MATN2: variants seen among roughly 807,000 people sequenced by gnomAD.
MATN2 encodes the protein matrilin-2.
Under a neutral mutation model 103.2 loss-of-function variants are expected in MATN2, and 69 were observed. The ratio of observed to expected loss-of-function variants is 0.67; its 90% CI spans 0.55 to 0.82. MATN2 has a LOEUF of 0.82. MATN2 is among the 40% of genes least tolerant of loss of function. The probability of loss-of-function intolerance (pLI) is 0.00; values close to 1 mark genes in which losing one functional copy is unlikely to be tolerated. For missense variants in MATN2, 1,023 were observed against 1,211.5 expected, an observed-to-expected ratio of 0.84 and a Z score of 2.31; for synonymous variants, 429 against 450.2, an observed-to-expected ratio of 0.95 and a Z score of 0.60.
At chr8:97,917,987 CGTTG>C (rs1563666308) in intron 2 of MATN2, among the ~76,000 whole-genome samples, 2 of 151,886 alleles carry the variant, frequency 1.3e-5, no homozygotes, top group East Asian at 3.9e-4. Context: ...CTGGAGGCTA[CGTTG>C]GGAGGATCAC....
At chr8:97,951,800 T>C (rs1810963049) in intron 4 of MATN2, among the ~76,000 whole-genome samples, 2 of 152,198 alleles carry the variant, frequency 1.3e-5, no homozygotes, top group African/African-American at 4.8e-5. Flanking sequence ...TTAGAACTTG[T>C]TTCAGAGATT....
intron 3 of MATN2, among the ~76,000 whole-genome samples, chr8:97,934,396 G>A (rs1810305713): frequency 6.6e-6 from 1 of 152,222 alleles, no homozygotes; most frequent in African/African-American, 2.4e-5. Flanking sequence ...ATACACTGAG[G>A]ACCGATGGGC....
chr8:98,034,916 T>TAA (rs397970246), intron 18 of MATN2, among the ~76,000 whole-genome samples: 104 of 130,832 alleles, frequency 7.9e-4, no homozygotes, highest in South Asian at 2.0e-3. Flanking sequence ...GAATCACAAT[T>TAA]AAAAAAAAAA....
chr8:97,907,659 C>T (rs1398459605), intron 2 of MATN2, among the ~76,000 whole-genome samples: 1 of 152,082 alleles, frequency 6.6e-6, no homozygotes, highest in Non-Finnish European at 1.5e-5. Flanking sequence ...TCTAGCTCTC[C>T]ACTGTGCAAC....
Position 97,869,230 on chromosome 8 carries a change from C to A in MATN2, c.-84C>A, listed in dbSNP as rs925853108. On this transcript the variant is annotated 5_prime_UTR_variant, in exon 1 of 19. Coordinates refer to ENST00000254898, the MANE Select transcript of MATN2 (RefSeq NM_002380.5). ...GCCCTCGGCGAGGCGAAGAGGCCGA[C>A]GAGGAAGACCCGGGTGGCTGCGCCC... 5.9e-5 allele frequency: 9 copies of A among 152,248 alleles called. No individual in the cohort carries two copies. Among genetic ancestry groups the A allele is most frequent in the African/African-American group, 2.2e-4 (9 of 41,466 alleles). 9.4% of individuals were successfully genotyped at this position (152,248 alleles called of 1,614,324 possible).
rs201879642 is a variant in MATN2, at chr8:97,888,177, G to A, written c.77G>A (p.Arg26Gln). Residue 26 changes from arginine (R) to glutamine (Q), a missense_variant, in exon 2 of 19, where the codon CGG (arginine) becomes CAG (glutamine). By Grantham distance (43) the Arg-to-Gln change is conservative (BLOSUM62 1). Coordinates refer to ENST00000254898, the MANE Select transcript of MATN2 (RefSeq NM_002380.5). ...IVLLPAEARE[R>Q]SRGRSISRGR... ...CTCCTCCCTGCCGAGGCCAGGGAGCGGTCACGTGGGAGGTCCATCTCTAGG... is the reference window on the plus strand; with the variant it reads ...CTCCTCCCTGCCGAGGCCAGGGAGCAGTCACGTGGGAGGTCCATCTCTAGG... 2.2e-5 allele frequency: 36 copies of A among 1,605,422 alleles called. No homozygotes were observed. The highest frequency in any genetic ancestry group is 3.0e-5 in the Non-Finnish European group (35 of 1,174,856).
At chr8:98,028,240 A>AT (rs1295455612) in intron 14 of MATN2, among the ~76,000 whole-genome samples, 3 of 152,154 alleles carry the variant, frequency 2.0e-5, no homozygotes, top group Non-Finnish European at 2.9e-5. Flanking sequence ...TTATTCTTGT[A>AT]TTTTTTAACC....
intron 1 of MATN2, among the ~76,000 whole-genome samples, chr8:97,871,599 T>C (rs1817902023): frequency 6.6e-6 from 1 of 152,158 alleles, no homozygotes; most frequent in Non-Finnish European, 1.5e-5. Context: ...GCAAGATAAC[T>C]CAGGAGGGCC....
chr8:97,870,512 C>A (rs1817856639), intron 1 of MATN2, among the ~76,000 whole-genome samples: 1 of 142,096 alleles, frequency 7.0e-6, no homozygotes, highest in Non-Finnish European at 1.6e-5. Context: ...GAGCTAAACT[C>A]CGTCTCAAAA....
At chr8:97,951,909 G>A (rs1810966817) in intron 4 of MATN2, 1 of 152,222 alleles carries the variant, frequency 6.6e-6, no homozygotes, top group Non-Finnish European at 1.5e-5. Flanking sequence ...GGGAAAGGAG[G>A]AGACTAGGCA....
intron 2 of MATN2, among the ~76,000 whole-genome samples, chr8:97,910,060 G>T (rs192385301): frequency 6.6e-6 from 1 of 150,992 alleles, no homozygotes; most frequent in Admixed American, 6.6e-5. Context: ...TGGGATTACA[G>T]GCGACTTTTT....
intron 7 of MATN2, among the ~76,000 whole-genome samples, chr8:97,998,794 A>T (rs1812689806): frequency 6.6e-6 from 1 of 152,070 alleles, no homozygotes; most frequent in Non-Finnish European, 1.5e-5. Context: ...GCAATACGTA[A>T]ATATAAATTT....
intron 4 of MATN2, among the ~76,000 whole-genome samples, chr8:97,956,999 C>G (rs1811165269): frequency 6.6e-6 from 1 of 152,156 alleles, no homozygotes; most frequent in Non-Finnish European, 1.5e-5. Context: ...TCTGGAGAGT[C>G]AAAACTGACC....
chr8:97,937,037 C>G (rs1278730483), intron 3 of MATN2, among the ~76,000 whole-genome samples: 1 of 152,208 alleles, frequency 6.6e-6, no homozygotes, highest in Admixed American at 6.5e-5. Flanking sequence ...CCCTCCACTC[C>G]TCTCCTTCTC....
At chr8:97,872,587 G>A (rs191484109) in intron 1 of MATN2, among the ~76,000 whole-genome samples, 4 of 152,178 alleles carry the variant, frequency 2.6e-5, no homozygotes, top group Admixed American at 2.6e-4. Flanking sequence ...TAGGCTCTTG[G>A]GAAAATGTCT....
chr8:98,018,556 C>G (rs1483690034), intron 12 of MATN2, among the ~76,000 whole-genome samples: 1 of 152,102 alleles, frequency 6.6e-6, no homozygotes, highest in Non-Finnish European at 1.5e-5. Context: ...AAAGACATAC[C>G]CGAGACTGGG....
At chr8:98,020,180 C>A (rs1813537189) in intron 12 of MATN2, among the ~76,000 whole-genome samples, 1 of 152,186 alleles carries the variant, frequency 6.6e-6, no homozygotes, top group South Asian at 2.1e-4. Context: ...GGGTCTCACT[C>A]TGTCACCCAG....
intron 6 of MATN2, among the ~76,000 whole-genome samples, chr8:97,980,221 C>G (rs1811971117): frequency 6.6e-6 from 1 of 152,238 alleles, no homozygotes; most frequent in Admixed American, 6.5e-5. Context: ...CCGTGCATGA[C>G]TGGCATATAC....
At chr8:97,970,929 G>A (rs903110231) in intron 5 of MATN2, among the ~76,000 whole-genome samples, 3 of 152,128 alleles carry the variant, frequency 2.0e-5, no homozygotes, top group East Asian at 1.9e-4. Flanking sequence ...GTGACAGAGT[G>A]AGACCCTGCC....
Sources: gnomAD v4.1 joint callset for allele counts (sites outside exome capture counted in the v4.1 genomes callset) on GRCh38, gnomAD v4.1.1 for gene constraint, MANE v1.5 for transcripts, NCBI Gene and HGNC (gene_info 2026-07-23, HGNC 2026-07-21) for gene names.